Variants in DST observed in about 807,000 individuals in gnomAD.
The protein encoded by DST is bullous pemphigoid antigen.
Under a neutral mutation model 875.2 loss-of-function variants are expected in DST, and 253 were observed. The ratio of observed to expected loss-of-function variants is 0.29; its 90% CI spans 0.26 to 0.32. The LOEUF is 0.32. DST is among the 10% of genes least tolerant of loss of function. The pLI is 1.00. For missense variants in DST, 8,287 were observed against 9,111.6 expected (o/e 0.91, Z 3.68); for synonymous variants, 3,124 against 3,197.1 (o/e 0.98, Z 0.77).
chr6:56,884,982 G>A (rs190631796), intron 3 of DST, among the ~76,000 whole-genome samples: 73 of 152,164 alleles, frequency 4.8e-4, no homozygotes, highest in African/African-American at 1.6e-3. Context: ...CGCCCACCTC[G>A]GCCTCCCAAA....
At chr6:56,837,651 T>C (rs368030740) in intron 4 of DST, among the ~76,000 whole-genome samples, 9 of 152,182 alleles carry the variant, frequency 5.9e-5, no homozygotes, top group Admixed American at 3.3e-4. Context: ...CTACAAATTC[T>C]AACCAATCCT....
chr6:56,611,663 AAAAG>A (rs2098546315), intron 37 of DST, 67 bp from the exon 38 acceptor site: 2 of 1,136,394 alleles, frequency 1.8e-6, no homozygotes, highest in Non-Finnish European at 2.5e-6. Context: ...TTTTTTAAAA[AAAAG>A]AAATTAATCA....
Position 56,851,475 on chromosome 6 carries a change from T to G in DST, c.547A>C (p.Lys183Gln). The G allele has an allele frequency of 2.5e-6, 4 of 1,614,050 alleles. No homozygotes were observed. Among genetic ancestry groups the G allele is most frequent in the Non-Finnish European group, 3.4e-6 (4 of 1,179,900 alleles). The change falls in exon 4 of 104, where the codon AAA (lysine) becomes CAA (glutamine). Residue 183 changes from lysine to glutamine, a missense_variant. Around this residue, in one of 10 missense-constraint regions of DST, gnomAD observed 1,160 missense variants for 1,424.3 expected, o/e 0.81. Transcript: ENST00000680361. Reference protein sequence around the residue: ...PGDTLPWNLPKHERSKRKIQG... With the variant: ...PGDTLPWNLPQHERSKRKIQG... Reference sequence around the variant, plus strand: ...ATCTTTCTTTTCGATCTCTCATGTTTAGGCAAATTCCAGGGTAAGGTGTCT... The same window carrying G: ...ATCTTTCTTTTCGATCTCTCATGTTGAGGCAAATTCCAGGGTAAGGTGTCT...
In DST at chr6:56,606,150, G is replaced by A. The variant is rs2098495121; in HGVS notation, c.8478C>T (p.Pro2826=). ...GGGIRDENGK[P]RCQNVAEDMD... ...TATCTTCAGCCACATTTTGGCACCT[G>A]GGCTTTCCATTCTCATCTCTTATAC... The change falls in exon 40 of 104, where the codon CCC becomes CCT. Residue 2826 remains proline, a synonymous_variant. Coordinates refer to ENST00000680361, the MANE Select transcript of DST (RefSeq NM_001374736.1). 2 of 1,609,014 alleles carry A rather than the reference G, an allele frequency of 1.2e-6. No individual in the cohort carries two copies. Among genetic ancestry groups the A allele is most frequent in the Non-Finnish European group, 1.7e-6 (2 of 1,177,054 alleles).
intron 15 of DST, 109 bp from the exon 16 acceptor site, chr6:56,642,612 G>A: frequency 1.2e-6 from 2 of 1,614,058 alleles, no homozygotes; most frequent in Non-Finnish European, 1.7e-6. Context: ...CCACACCAAT[G>A]ATTCAATACC....
chr6:56,578,917 T>A lies in DST; in HGVS notation c.12924A>T (p.Ser4308=), dbSNP rs756613103. Residue 4308 remains serine (S), a synonymous_variant, in exon 50 of 104, where the codon TCA becomes TCT. Transcript: ENST00000680361. ...EETKALQGQI[S]SQQVAVEKLK... is the part of the protein sequence containing the mutation. ...GTTTCTCTACAGCAACCTGCTGACT[T>A]GATATCTGTCCTTGCAAAGCCTGTA... 1 of 1,599,834 alleles carries A rather than the reference T, an allele frequency of 6.3e-7. No homozygotes were observed. Among genetic ancestry groups the A allele is most frequent in the Non-Finnish European group, 8.5e-7 (1 of 1,172,454 alleles).
chr6:56,663,789 A>T (rs1327417282), intron 10 of DST, among the ~76,000 whole-genome samples: 8 of 152,196 alleles, frequency 5.3e-5, no homozygotes, highest in Admixed American at 5.2e-4. Context: ...TTGCTATCCA[A>T]CTACATACTC....
At chr6:56,659,135 C>T (rs74663982) in intron 10 of DST, among the ~76,000 whole-genome samples, 1 of 152,176 alleles carries the variant, frequency 6.6e-6, no homozygotes. Flanking sequence ...GGTCAAAGAA[C>T]TCCCACAGAA....
intron 5 of DST, among the ~76,000 whole-genome samples, chr6:56,732,896 A>T (rs1192219659): frequency 1.3e-5 from 2 of 152,218 alleles, no homozygotes; most frequent in Admixed American, 6.5e-5. Context: ...CACGACTTCA[A>T]GTGCAGCTCT....
intron 2 of DST, among the ~76,000 whole-genome samples, chr6:56,945,203 G>A (rs1818795454): frequency 6.6e-6 from 1 of 152,156 alleles, no homozygotes; most frequent in Non-Finnish European, 1.5e-5. Flanking sequence ...TAATTAATTT[G>A]TATTTTCAAA....
At chr6:56,767,969 G>C (rs2099638421) in intron 4 of DST, among the ~76,000 whole-genome samples, 1 of 152,136 alleles carries the variant, frequency 6.6e-6, no homozygotes, top group African/African-American at 2.4e-5. Flanking sequence ...GAAATAAAGA[G>C]ACCAAGACAA....
At chr6:56,579,868 A>G (rs1020090830) in intron 49 of DST, among the ~76,000 whole-genome samples, 2 of 152,318 alleles carry the variant, frequency 1.3e-5, no homozygotes, top group Non-Finnish European at 2.9e-5. Context: ...GGGCTGTCCT[A>G]TAGGAAGGCT....
chr6:56,757,126 A>C (rs2099606082), intron 4 of DST, among the ~76,000 whole-genome samples: 1 of 152,260 alleles, frequency 6.6e-6, no homozygotes, highest in Non-Finnish European at 1.5e-5. Flanking sequence ...GCAGGACTTC[A>C]AACAATGCAA....
chr6:56,679,122 T>C (rs945771005), intron 9 of DST, among the ~76,000 whole-genome samples: 4 of 152,184 alleles, frequency 2.6e-5, no homozygotes. Context: ...TTTTTCTTCC[T>C]CTACAGATGC....
chr6:56,470,116 G>A lies in DST; in HGVS notation c.22476+12C>T. ...CTATCAGTGTTGTACGCAATGGGAA[G>A]ATAATGAGTACCTCATCTTCGATTT... On this transcript the variant is annotated intron_variant, in intron 96 of 103. Coordinates refer to ENST00000680361, the MANE Select transcript of DST (RefSeq NM_001374736.1). 1.9e-6 allele frequency: 3 copies of A among 1,611,080 alleles called. No individual in the cohort carries two copies. Among genetic ancestry groups the A allele is most frequent in the Non-Finnish European group, 2.5e-6 (3 of 1,177,856 alleles).
intron 3 of DST, among the ~76,000 whole-genome samples, chr6:56,878,154 C>A (rs144566896): frequency 2.6e-4 from 39 of 152,320 alleles, no homozygotes; most frequent in African/African-American, 8.9e-4. Context: ...CATCACCACT[C>A]TAAGAGGGTA....
intron 4 of DST, among the ~76,000 whole-genome samples, chr6:56,763,831 T>A (rs947221300): frequency 6.6e-6 from 1 of 151,938 alleles, no homozygotes; most frequent in Non-Finnish European, 1.5e-5. Context: ...ACTCTAGTCC[T>A]ACATCACTTC....
rs1159486026 is a variant in DST, at chr6:56,894,734, G to A, written c.417+5687C>T. ...GACCCCCCCCACCTCCCTCCCGGAC[G>A]GGGCGGCTGGCCGGGCAGGGGGCTG... is the stretch of plus-strand genomic sequence containing the variant. On this transcript the variant is annotated intron_variant, in intron 3 of 103. Transcript: ENST00000680361. Among the ~76,000 whole-genome samples the A allele has an allele frequency of 3.6e-5, 3 of 83,108 alleles. No homozygotes were observed. In the South Asian group the frequency reaches 1.1e-3, roughly 30 times the overall value. The allele number at this position is 83,108 out of a possible 152,430, so 54.5% of individuals were successfully genotyped here.
chr6:56,741,416 A>G (rs2099546454), intron 4 of DST, among the ~76,000 whole-genome samples: 1 of 152,228 alleles, frequency 6.6e-6, no homozygotes, highest in Non-Finnish European at 1.5e-5. Context: ...CTCTTCTTTT[A>G]AACCATGATC....
Sources: gnomAD v4.1 joint callset for allele counts (sites outside exome capture counted in the v4.1 genomes callset) on GRCh38, gnomAD v4.1.1 for gene constraint, gnomAD v4.1.1 regional missense constraint, MANE v1.5 for transcripts, NCBI Gene and HGNC (gene_info 2026-07-23, HGNC 2026-07-21) for gene names.